Variants in TMEM232 observed in about 807,000 individuals in gnomAD.
TMEM232 encodes the protein transmembrane protein 232.
TMEM232 carries 80 observed loss-of-function variants against 78.8 expected under a neutral mutation model. That is an observed-to-expected ratio of 1.01 (90% CI 0.85 to 1.22). The LOEUF is 1.22. TMEM232 is among the 50% of genes most tolerant of loss of function. The pLI, the probability that TMEM232 is intolerant of heterozygous loss-of-function variation, is 0.00. For synonymous variants in TMEM232, 297 were observed against 254.3 expected (o/e 1.17, Z -1.60); for missense variants, 881 against 742.2 (o/e 1.19, Z -2.17).
intron 11 of TMEM232, among the ~76,000 whole-genome samples, chr5:110,546,947 C>T (rs771594783): frequency 7.3e-5 from 11 of 149,840 alleles, no homozygotes; most frequent in Non-Finnish European, 1.3e-4. Flanking sequence ...AGTGTTGCCA[C>T]GATACTACCA....
At chr5:110,644,526 A>C (rs1423013825) in intron 2 of TMEM232, among the ~76,000 whole-genome samples, 1 of 151,858 alleles carries the variant, frequency 6.6e-6, no homozygotes, top group African/African-American at 2.4e-5. Context: ...TTAATGACTT[A>C]TTGTGTATCT....
chr5:110,397,467 C>T (rs1194688009), intron 3 of TMEM232, among the ~76,000 whole-genome samples: 1 of 152,090 alleles, frequency 6.6e-6, no homozygotes, highest in East Asian at 1.9e-4. Flanking sequence ...ATGCCCTCCT[C>T]AGTATATTAG....
chr5:110,646,386 A>G (rs771521160), intron 2 of TMEM232, among the ~76,000 whole-genome samples: 2 of 151,824 alleles, frequency 1.3e-5, no homozygotes, highest in Non-Finnish European at 3.0e-5. Flanking sequence ...CCTAAAAGCC[A>G]ATGGAGGAGA....
chr5:110,691,178 G>C (rs1287059781), intron 1 of TMEM232, among the ~76,000 whole-genome samples: 6 of 150,982 alleles, frequency 4.0e-5, no homozygotes, highest in Admixed American at 3.3e-4. Flanking sequence ...GGAAGCTTTG[G>C]ACAATGAGGA....
At chr5:110,484,060 C>T (rs980475369) in intron 12 of TMEM232, among the ~76,000 whole-genome samples, 1 of 152,106 alleles carries the variant, frequency 6.6e-6, no homozygotes, top group Non-Finnish European at 1.5e-5. Flanking sequence ...AACATAGGAA[C>T]AGAAAACCAA....
intron 12 of TMEM232, among the ~76,000 whole-genome samples, chr5:110,451,797 G>T (rs1401357428): frequency 6.6e-6 from 1 of 151,872 alleles, no homozygotes; most frequent in Non-Finnish European, 1.5e-5. Flanking sequence ...AGGTAGTTAT[G>T]AACATCACTT....
chr5:110,701,196 A>G (rs1485358728), intron 1 of TMEM232, among the ~76,000 whole-genome samples: 1 of 151,970 alleles, frequency 6.6e-6, no homozygotes, highest in African/African-American at 2.4e-5. Flanking sequence ...TTAAAATTCA[A>G]ACACCAAGTA....
At chr5:110,695,351 G>A (rs1449143623) in intron 1 of TMEM232, among the ~76,000 whole-genome samples, 2 of 152,292 alleles carry the variant, frequency 1.3e-5, no homozygotes, top group South Asian at 2.1e-4. Context: ...GAGAAAGCAG[G>A]AAAGATCTAA....
chr5:110,645,308 T>A (rs1047685081), intron 2 of TMEM232, among the ~76,000 whole-genome samples: 1 of 151,568 alleles, frequency 6.6e-6, no homozygotes, highest in Non-Finnish European at 1.5e-5. Flanking sequence ...CTAGTGAACG[T>A]CAATGCAAAA....
chr5:110,722,355 T>C (rs897752351), intron 1 of TMEM232, among the ~76,000 whole-genome samples: 1 of 152,178 alleles, frequency 6.6e-6, no homozygotes, highest in Non-Finnish European at 1.5e-5. Flanking sequence ...TCTCATGAAG[T>C]TGCAGTCAAA....
chr5:110,435,194 G>T (rs1466802717), intron 12 of TMEM232, among the ~76,000 whole-genome samples: 1 of 151,730 alleles, frequency 6.6e-6, no homozygotes, highest in Non-Finnish European at 1.5e-5. Flanking sequence ...TCCACCAGAA[G>T]GCTCCTAGAC....
chr5:110,646,946 T>TTTC (rs1014100097), intron 2 of TMEM232, among the ~76,000 whole-genome samples: 6 of 151,770 alleles, frequency 4.0e-5, no homozygotes, highest in East Asian at 1.9e-4. Flanking sequence ...TTTGTTTTTT[T>TTTC]TTCTTCTTCT....
chr5:110,712,026 C>T (rs990683478), intron 1 of TMEM232, among the ~76,000 whole-genome samples: 10 of 148,730 alleles, frequency 6.7e-5, no homozygotes, highest in African/African-American at 2.0e-4. Flanking sequence ...GGCGTGAACC[C>T]GGGAGGCAGA....
intron 3 of TMEM232, among the ~76,000 whole-genome samples, chr5:110,392,775 C>T (rs1220390017): frequency 6.6e-6 from 1 of 152,186 alleles, no homozygotes; most frequent in Non-Finnish European, 1.5e-5. Flanking sequence ...TTTCAAGGGA[C>T]ATGAACAGTC....
chr5:110,447,993 C>A (rs1759851255), intron 12 of TMEM232, among the ~76,000 whole-genome samples: 2 of 152,002 alleles, frequency 1.3e-5, no homozygotes, highest in South Asian at 4.2e-4. Context: ...CCACAGAAAA[C>A]TTATAGAGCT....
chr5:110,528,592 C>G lies in TMEM232; in HGVS notation c.1699G>C (p.Val567Leu), dbSNP rs1312523265. The G allele has an allele frequency of 6.5e-7, 1 of 1,528,246 alleles. No homozygotes were observed. Among genetic ancestry groups the G allele is most frequent in the Non-Finnish European group, 8.7e-7 (1 of 1,143,656 alleles). 94.7% of individuals were successfully genotyped at this position (1,528,246 alleles called of 1,614,324 possible). ...SVKKQVLHFT[V>L]REHPSVSEIP... is the part of the protein sequence containing the mutation. The stretch of plus-strand genomic sequence containing the variant: ...ACCGATAGTACTTCTCTTTACCTTA[C>G]AGTGAAATGTAGAACTTGCTTTTTC... Residue 567 changes from valine to leucine, a missense_variant, in exon 12 of 14, where the codon GTA becomes CTA. Transcript: ENST00000455884.
At chr5:110,499,311 G>C (rs1223657318) in intron 12 of TMEM232, among the ~76,000 whole-genome samples, 1 of 152,026 alleles carries the variant, frequency 6.6e-6, no homozygotes, top group Non-Finnish European at 1.5e-5. Flanking sequence ...TGTTTTCTTT[G>C]AGATAGAGTC....
upstream of TMEM232, among the ~76,000 whole-genome samples, chr5:110,727,797 C>A (rs79889220): frequency 6.6e-6 from 1 of 151,970 alleles, no homozygotes; most frequent in Non-Finnish European, 1.5e-5. Context: ...GCTTCTCTGA[C>A]GTATCACTCC....
At chr5:110,453,581 G>C (rs1760558340) in intron 12 of TMEM232, among the ~76,000 whole-genome samples, 1 of 152,124 alleles carries the variant, frequency 6.6e-6, no homozygotes, top group Non-Finnish European at 1.5e-5. Flanking sequence ...GATTACAGGC[G>C]TGAGCCACGT....
Sources: allele counts gnomAD v4.1 joint callset (sites outside exome capture counted in the v4.1 genomes callset), GRCh38; gene constraint gnomAD v4.1.1; transcripts MANE v1.5; gene names NCBI Gene and HGNC (gene_info 2026-07-23, HGNC 2026-07-21).